Variants in PRUNE2 observed in about 807,000 individuals in gnomAD.
PRUNE2 encodes the protein prune homolog 2 with BCH domain.
Under a neutral mutation model 252.0 loss-of-function variants are expected in PRUNE2, and 164 were observed. The ratio of observed to expected loss-of-function variants is 0.65; its 90% CI spans 0.57 to 0.74. PRUNE2 has a LOEUF of 0.74. Ranked by LOEUF, PRUNE2 falls within the 30% of genes least tolerant of loss-of-function variation. The pLI is 0.00. For synonymous variants in PRUNE2, 1,292 were observed against 1,350.2 expected, an observed-to-expected ratio of 0.96 and a Z score of 0.94; for missense variants, 3,495 against 3,711.0, an observed-to-expected ratio of 0.94 and a Z score of 1.51.
At chr9:76,836,638 A>C (rs919691005) in intron 4 of PRUNE2, among the ~76,000 whole-genome samples, 2 of 152,154 alleles carry the variant, frequency 1.3e-5, no homozygotes, top group African/African-American at 4.8e-5. Flanking sequence ...GTTTCCTGAA[A>C]TTTCTAAGTT....
chr9:76,725,170 GGGT>G (rs2048001963), intron 6 of PRUNE2, among the ~76,000 whole-genome samples: 2 of 152,026 alleles, frequency 1.3e-5, no homozygotes, highest in South Asian at 4.1e-4. Flanking sequence ...TTTCCTCTCT[GGGT>G]TCCCCTTTCT....
chr9:76,848,984 T>C (rs939498649), intron 3 of PRUNE2, among the ~76,000 whole-genome samples: 4 of 152,070 alleles, frequency 2.6e-5, no homozygotes, highest in Non-Finnish European at 4.4e-5. Context: ...TGAGATGACA[T>C]TGCAGCCTCA....
intron 1 of PRUNE2, among the ~76,000 whole-genome samples, chr9:76,889,387 C>A (rs951577752): frequency 3.3e-5 from 5 of 151,588 alleles, no homozygotes; most frequent in African/African-American, 1.2e-4. Flanking sequence ...GTGGTATGAT[C>A]TTGGCTCACT....
chr9:76,615,004 G>T, intron 18 of PRUNE2: 1 of 669,986 alleles, frequency 1.5e-6, no homozygotes, highest in Non-Finnish European at 1.9e-6. Context: ...AGTAATGTCT[G>T]ACAAGCACTA....
At chr9:76,726,727 T>C (rs965036760) in intron 6 of PRUNE2, among the ~76,000 whole-genome samples, 1 of 152,222 alleles carries the variant, frequency 6.6e-6, no homozygotes, top group African/African-American at 2.4e-5. Context: ...TTCTTTCAGG[T>C]CAACATGAGG....
intron 6 of PRUNE2, among the ~76,000 whole-genome samples, chr9:76,801,479 A>G (rs2056550296): frequency 6.6e-6 from 1 of 151,920 alleles, no homozygotes; most frequent in Non-Finnish European, 1.5e-5. Context: ...AGCTATTTCT[A>G]CTGGGCCTTT....
At chr9:76,870,191 CA>C (rs767644874) in intron 1 of PRUNE2, among the ~76,000 whole-genome samples, 3 of 151,500 alleles carry the variant, frequency 2.0e-5, no homozygotes, top group Middle Eastern at 3.4e-3. Flanking sequence ...TCGGATCACC[CA>C]AATCTTTTGC....
intron 9 of PRUNE2, among the ~76,000 whole-genome samples, chr9:76,670,308 C>T (rs1480201018): frequency 1.3e-5 from 2 of 151,828 alleles, no homozygotes; most frequent in African/African-American, 2.4e-5. Flanking sequence ...CCTGGAAAAT[C>T]GGGTCACTCC....
Position 76,711,291 on chromosome 9 carries a change from TC to T in PRUNE2, c.982del (p.Asp328MetfsTer13). 1 of 1,613,858 alleles carries T rather than the reference TC, an allele frequency of 6.2e-7. No individual in the cohort carries two copies. The highest frequency in any genetic ancestry group is 8.5e-7 in the Non-Finnish European group (1 of 1,179,858). On this transcript the variant is annotated frameshift_variant, in exon 8 of 19. Coordinates refer to ENST00000376718, the MANE Select transcript of PRUNE2 (RefSeq NM_015225.3). LOFTEE classifies it high-confidence loss of function. ...LELEPFDCGCDEILVYQQEDP... is the reference protein window; with the variant it reads ...LELEPFDCGCXEILVYQQEDP... ...CTCTTGTTGGTACACCAGGATCTCA[TC>T]ACAGCCACAGTCAAAGGGCTCCAGT...
At chr9:76,881,678 G>A (rs1047690562) in intron 1 of PRUNE2, among the ~76,000 whole-genome samples, 2 of 151,126 alleles carry the variant, frequency 1.3e-5, no homozygotes, top group South Asian at 2.1e-4. Flanking sequence ...CTGGAGTGCA[G>A]TGGCACGATC....
chr9:76,763,108 C>T (rs571034623), intron 6 of PRUNE2, among the ~76,000 whole-genome samples: 4 of 152,216 alleles, frequency 2.6e-5, no homozygotes, highest in East Asian at 1.9e-4. Context: ...CTGTGTCAAA[C>T]GATGTGAAGA....
intron 2 of PRUNE2, 111 bp downstream of exon 2, chr9:76,853,993 T>A: frequency 1.8e-6 from 1 of 551,786 alleles, no homozygotes; most frequent in Non-Finnish European, 3.2e-6. Flanking sequence ...CAACAATATA[T>A]CAGAACATTA....
At chr9:76,780,083 C>A (rs1345271110) in intron 6 of PRUNE2, among the ~76,000 whole-genome samples, 1 of 152,108 alleles carries the variant, frequency 6.6e-6, no homozygotes, top group African/African-American at 2.4e-5. Flanking sequence ...TCTTTGTTGC[C>A]TTTTAATTGA....
At chr9:76,808,328 G>C (rs781060669) in intron 6 of PRUNE2, among the ~76,000 whole-genome samples, 1 of 152,300 alleles carries the variant, frequency 6.6e-6, no homozygotes, top group Non-Finnish European at 1.5e-5. Context: ...CAAAAGTTAA[G>C]AGGCTCATTT....
rs867474707 is a variant in PRUNE2 at position 76,705,963 on chromosome 9, C to T, written c.6311G>A (p.Ser2104Asn). 1 of 1,613,958 alleles carries T rather than the reference C, an allele frequency of 6.2e-7. No homozygotes were observed. ...EHDSNSQASD[S>N]PDICHDSEAK... ...TTCAGAATCGTGACATATATCAGGG[C>T]TGTCGGAAGCCTGAGAATTGCTGTC... Residue 2104 changes from serine (S) to asparagine (N), a missense_variant, in exon 8 of 19, where the codon AGC becomes AAC. Physicochemically the swap from Ser to Asn is conservative, Grantham distance 46. Transcript: ENST00000376718.
chr9:76,614,595 T>G lies in PRUNE2; in HGVS notation c.9242A>C (p.Asp3081Ala). 6.2e-7 allele frequency: 1 copy of G among 1,611,230 alleles called. No homozygotes were observed. Among genetic ancestry groups the G allele is most frequent in the Non-Finnish European group, 8.5e-7 (1 of 1,178,066 alleles). ...PEMSSMEKDI[D>A]LKLKEKP is the part of the protein sequence containing the mutation. ...CTAAGGCTTTTCTTTCAGCTTCAAG[T>G]CAATACTGCAAAGAAAAGAAAAAGA... is the stretch of plus-strand genomic sequence containing the variant. Residue 3081 changes from aspartate to alanine, a missense_variant, in exon 19 of 19, where the codon GAC becomes GCC. Coordinates refer to ENST00000376718, the MANE Select transcript of PRUNE2 (RefSeq NM_015225.3).
At chr9:76,874,254 G>T (rs2061368794) in intron 1 of PRUNE2, among the ~76,000 whole-genome samples, 2 of 152,116 alleles carry the variant, frequency 1.3e-5, no homozygotes, top group African/African-American at 4.8e-5. Flanking sequence ...TTTTTAATGA[G>T]GCTAAGTCTC....
At chr9:76,880,802 T>G (rs1354703268) in intron 1 of PRUNE2, among the ~76,000 whole-genome samples, 1 of 152,240 alleles carries the variant, frequency 6.6e-6, no homozygotes, top group East Asian at 1.9e-4. Context: ...AAAATATAGT[T>G]ATTTTAAATA....
At chr9:76,682,907 G>A (rs1373389376) in intron 9 of PRUNE2, among the ~76,000 whole-genome samples, 1 of 151,938 alleles carries the variant, frequency 6.6e-6, no homozygotes, top group African/African-American at 2.4e-5. Context: ...TAATGATCTG[G>A]CAAAAACTAG....
Sources: allele counts gnomAD v4.1 joint callset (sites outside exome capture counted in the v4.1 genomes callset), GRCh38; gene constraint gnomAD v4.1.1; transcripts MANE v1.5; gene names NCBI Gene and HGNC (gene_info 2026-07-23, HGNC 2026-07-21).